Variants in LARGE1 observed in about 807,000 individuals in gnomAD.
The protein encoded by LARGE1 is LARGE xylosyl- and glucuronyltransferase 1.
Under a neutral mutation model 87.6 loss-of-function variants are expected in LARGE1, and 43 were observed. The ratio of observed to expected loss-of-function variants is 0.49; its 90% CI spans 0.38 to 0.63. The LOEUF (loss-of-function observed/expected upper bound fraction) is 0.63. LARGE1 is among the 30% of genes least tolerant of loss of function. The pLI is 0.00. For synonymous variants in LARGE1, 434 were observed against 394.6 expected, an observed-to-expected ratio of 1.10 and a Z score of -1.18; for missense variants, 802 against 1,000.2, an observed-to-expected ratio of 0.80 and a Z score of 2.67.
chr22:33,374,167 CCTG>C (rs1482539208), intron 9 of LARGE1, among the ~76,000 whole-genome samples: 6 of 152,022 alleles, frequency 3.9e-5, no homozygotes, highest in Non-Finnish European at 5.9e-5. Context: ...TGTTTACATT[CCTG>C]TATAATATGG....
intron 1 of LARGE1, among the ~76,000 whole-genome samples, chr22:33,793,661 G>A (rs148236178): frequency 7.4e-4 from 113 of 152,052 alleles, no homozygotes; most frequent in African/African-American, 2.6e-3. Context: ...CCTACCTCCC[G>A]CAAGAACACA....
intron 5 of LARGE1, among the ~76,000 whole-genome samples, chr22:33,580,976 CA>C (rs2078502624): frequency 6.6e-6 from 1 of 152,138 alleles, no homozygotes; most frequent in South Asian, 2.1e-4. Flanking sequence ...GTCCATCTTT[CA>C]AAAATGATAA....
At chr22:33,578,614 G>A (rs991338800) in intron 5 of LARGE1, among the ~76,000 whole-genome samples, 2 of 152,150 alleles carry the variant, frequency 1.3e-5, no homozygotes. Context: ...CTTTATTACT[G>A]TGTGTGATGT....
At chr22:33,538,351 C>G (rs2077096930) in intron 6 of LARGE1, among the ~76,000 whole-genome samples, 1 of 152,226 alleles carries the variant, frequency 6.6e-6, no homozygotes, top group Non-Finnish European at 1.5e-5. Flanking sequence ...CACAGGATTT[C>G]CTTCAGAGCA....
At chr22:33,561,502 C>G (rs574673313) in intron 6 of LARGE1, among the ~76,000 whole-genome samples, 60 of 152,324 alleles carry the variant, frequency 3.9e-4, no homozygotes, top group African/African-American at 1.3e-3. Flanking sequence ...ATGTCCAGCT[C>G]CCCTGAATGT....
At chr22:33,741,797 A>G (rs239333) in intron 2 of LARGE1, among the ~76,000 whole-genome samples, 95,206 of 152,102 alleles carry the variant, frequency 0.63, 32,421 homozygotes, top group African/African-American at 0.9. Context: ...ATCACCTTGC[A>G]AGAAATCCAA....
intron 2 of LARGE1, among the ~76,000 whole-genome samples, chr22:33,678,552 T>C (rs2081648819): frequency 6.6e-6 from 1 of 152,170 alleles, no homozygotes; most frequent in Admixed American, 6.5e-5. Context: ...GTCTTTAATT[T>C]CTCCATTCTA....
chr22:33,915,078 A>T (rs2146982837), intron 1 of LARGE1, among the ~76,000 whole-genome samples: 1 of 148,282 alleles, frequency 6.7e-6, no homozygotes, highest in South Asian at 2.1e-4. Flanking sequence ...TCTAACTTTT[A>T]TTCCCATTAT....
chr22:33,771,927 C>A (rs1318351405), intron 1 of LARGE1, among the ~76,000 whole-genome samples: 1 of 152,238 alleles, frequency 6.6e-6, no homozygotes, highest in African/African-American at 2.4e-5. Context: ...CTATTCCATG[C>A]CTCGCATACA....
intron 11 of LARGE1, among the ~76,000 whole-genome samples, chr22:33,312,899 TGA>T (rs1320862984): frequency 1.3e-5 from 2 of 152,194 alleles, no homozygotes; most frequent in African/African-American, 4.8e-5. Context: ...GACTTTGTGG[TGA>T]GGTGGCTTCC....
At chr22:33,692,215 A>C (rs1031675797) in intron 2 of LARGE1, among the ~76,000 whole-genome samples, 1 of 152,240 alleles carries the variant, frequency 6.6e-6, no homozygotes, top group Non-Finnish European at 1.5e-5. Flanking sequence ...AAATGCTTAA[A>C]ACACTGCTTC....
intron 1 of LARGE1, among the ~76,000 whole-genome samples, chr22:33,908,731 A>T (rs960311513): frequency 6.6e-6 from 1 of 152,178 alleles, no homozygotes; most frequent in Non-Finnish European, 1.5e-5. Flanking sequence ...TGCTGTCTGT[A>T]AGGGATTGGA....
chr22:33,685,231 T>C (rs1236332107), intron 2 of LARGE1, among the ~76,000 whole-genome samples: 1 of 152,162 alleles, frequency 6.6e-6, no homozygotes. Flanking sequence ...GCTGAACAAA[T>C]GCCAGGGGGT....
chr22:33,260,851 C>G (rs1927587861), intron 11 of LARGE1, among the ~76,000 whole-genome samples: 1 of 152,196 alleles, frequency 6.6e-6, no homozygotes, highest in African/African-American at 2.4e-5. Flanking sequence ...TGAAAGAGCA[C>G]TTTTGATGAA....
the LARGE1 span, among the ~76,000 whole-genome samples, chr22:33,115,870 G>A: frequency 2.0e-5 from 3 of 149,668 alleles, no homozygotes; most frequent in Admixed American, 2.0e-4. Context: ...AGAAAAGGCC[G>A]TGTGAGAACA....
chr22:33,076,376 G>A, the LARGE1 span, among the ~76,000 whole-genome samples: 1 of 152,140 alleles, frequency 6.6e-6, no homozygotes, highest in Non-Finnish European at 1.5e-5. Flanking sequence ...TAGGAGCTTA[G>A]TTCTTGGCTT....
At chr22:33,813,225 T>G (rs1467075413) in intron 1 of LARGE1, among the ~76,000 whole-genome samples, 1 of 145,054 alleles carries the variant, frequency 6.9e-6, no homozygotes, top group East Asian at 2.0e-4. Context: ...CACTCCAGCC[T>G]GGGCAACAAG....
At position 33,460,383 on chromosome 22, in the gene LARGE1, G is replaced by C. The variant is rs1180734219; in HGVS notation, c.788-28118C>G. Among the ~76,000 whole-genome samples the C allele has an allele frequency of 2.0e-5, 3 of 152,258 alleles. No homozygotes were observed. The East Asian group carries it at 5.8e-4, about 29-fold the overall frequency. On this transcript the variant is annotated intron_variant, in intron 6 of 14. Transcript: ENST00000397394. ...AACTCTGGGTTGGGCCAGCAAATTC[G>C]TATTTCTAAAGAGCTTCCTGGGTAG... is the stretch of plus-strand genomic sequence containing the variant.
chr22:33,649,295 T>C (rs764057105), intron 3 of LARGE1, among the ~76,000 whole-genome samples: 1 of 152,166 alleles, frequency 6.6e-6, no homozygotes, highest in Non-Finnish European at 1.5e-5. Context: ...TTGGATAGTA[T>C]CACCAATATT....
Sources: allele counts gnomAD v4.1 joint callset (sites outside exome capture counted in the v4.1 genomes callset), GRCh38; gene constraint gnomAD v4.1.1; transcripts MANE v1.5; gene names NCBI Gene and HGNC (gene_info 2026-07-23, HGNC 2026-07-21).